Variants in ASXL2 observed in about 807,000 individuals in gnomAD.
ASXL2 encodes ASXL transcriptional regulator 2.
A neutral mutation model predicts 122.0 loss-of-function variants in ASXL2; 23 were observed. The observed-to-expected ratio is 0.19, with a 90% CI of 0.14 to 0.27. The LOEUF (loss-of-function observed/expected upper bound fraction) is 0.27, where lower values mean the gene tolerates loss of function less well. Ranked by LOEUF, ASXL2 falls within the 10% of genes least tolerant of loss-of-function variation. ASXL2 has a pLI of 1.00. For synonymous variants in ASXL2, 650 were observed against 637.0 expected (o/e 1.02, Z -0.31); for missense variants, 1,518 against 1,713.8 (o/e 0.89, Z 2.02).
intron 3 of ASXL2, chr2:25,810,539 G>A (rs748239974): frequency 6.9e-6 from 5 of 729,084 alleles, no homozygotes; most frequent in South Asian, 2.9e-5. Context: ...TCCCAGGCGC[G>A]CCTTTCTCCT....
chr2:25,749,661 G>T, intron 12 of ASXL2, 35 bp downstream of exon 12: 1 of 1,462,112 alleles, frequency 6.8e-7, no homozygotes, highest in East Asian at 2.4e-5. Context: ...GGGTTCAGAC[G>T]ATCTCTGCTT....
chr2:25,767,433 T>C (rs1574405443), intron 8 of ASXL2, 150 bp downstream of exon 8: 1 of 745,824 alleles, frequency 1.3e-6, no homozygotes, highest in Non-Finnish European at 2.1e-6. Context: ...TAACAGTAAT[T>C]ATGTTAGCAA....
At chr2:25,786,584 T>C (rs1314052745) in intron 5 of ASXL2, among the ~76,000 whole-genome samples, 4 of 152,116 alleles carry the variant, frequency 2.6e-5, no homozygotes, top group Non-Finnish European at 5.9e-5. Flanking sequence ...TGGGTATTGG[T>C]GGCTCACGCC....
rs143762890 is a variant in ASXL2, at chr2:25,754,701, A to G, written c.1037-1062T>C. Among the ~76,000 whole-genome samples the G allele has an allele frequency of 1.0e-3, 155 of 152,298 alleles. 1 individual carries two copies. In the Middle Eastern group the frequency reaches 0.01, roughly 10 times the overall value. On this transcript the variant is annotated intron_variant, in intron 10 of 12. Coordinates refer to ENST00000435504, the MANE Select transcript of ASXL2 (RefSeq NM_018263.6). ...TGTTAAAAAAAAAAGTAACACTGAT[A>G]ATAATAATCGCAGTATCATTGCTGA...
chr2:25,857,509 T>C (rs375167310), intron 1 of ASXL2, among the ~76,000 whole-genome samples: 1 of 152,316 alleles, frequency 6.6e-6, no homozygotes, highest in East Asian at 1.9e-4. Flanking sequence ...ATCATGGAGC[T>C]ACACTGGCTA....
At chr2:25,812,154 T>C (rs1374812345) in intron 3 of ASXL2, among the ~76,000 whole-genome samples, 2 of 140,550 alleles carry the variant, frequency 1.4e-5, no homozygotes, top group African/African-American at 5.4e-5. Context: ...TGTGAGTCTA[T>C]AATTATTTCA....
intron 1 of ASXL2, among the ~76,000 whole-genome samples, chr2:25,860,367 G>T (rs2089829044): frequency 6.6e-6 from 1 of 151,836 alleles, no homozygotes. Context: ...AAGCTTGTGG[G>T]ATATAGCAAA....
intron 1 of ASXL2, among the ~76,000 whole-genome samples, chr2:25,871,802 T>C (rs2149204326): frequency 6.6e-6 from 1 of 152,286 alleles, no homozygotes; most frequent in African/African-American, 2.4e-5. Context: ...CTTTAAATAA[T>C]ATGGCAAGAA....
chr2:25,825,548 T>C (rs2089365940), intron 3 of ASXL2, among the ~76,000 whole-genome samples: 1 of 152,224 alleles, frequency 6.6e-6, no homozygotes, highest in Non-Finnish European at 1.5e-5. Flanking sequence ...GTATTTTTTA[T>C]TTTTTGTCTG....
At chr2:25,797,986 A>T (rs932948389) in intron 5 of ASXL2, among the ~76,000 whole-genome samples, 1 of 152,276 alleles carries the variant, frequency 6.6e-6, no homozygotes, top group African/African-American at 2.4e-5. Context: ...AGCAACCAAG[A>T]TGTCCTTCAG....
intron 1 of ASXL2, among the ~76,000 whole-genome samples, chr2:25,849,972 G>A (rs2149195475): frequency 6.6e-6 from 1 of 152,022 alleles, no homozygotes; most frequent in South Asian, 2.1e-4. Context: ...TTTTATTATG[G>A]AAATCTAAAA....
intron 3 of ASXL2, among the ~76,000 whole-genome samples, chr2:25,809,214 C>G (rs544890731): frequency 6.6e-6 from 1 of 151,926 alleles, no homozygotes; most frequent in South Asian, 2.1e-4. Flanking sequence ...ATGATCCATT[C>G]TGCAGGCAGT....
chr2:25,743,943 T>C lies in ASXL2; in HGVS notation c.2394A>G (p.Ile798Met), dbSNP rs758955878. Residue 798 changes from isoleucine to methionine, a missense_variant, in exon 13 of 13, where the codon ATA becomes ATG. Coordinates refer to ENST00000435504, the MANE Select transcript of ASXL2 (RefSeq NM_018263.6). ...TCAGTTTTTCATTATCCAATTTCTC[T>C]ATGTGGGCTGGTGATGGGACACTTG... is the stretch of plus-strand genomic sequence containing the variant. ...ACTSVPSPAH[I>M]EKLDNEKLNP... The C allele has an allele frequency of 2.5e-6, 4 of 1,613,984 alleles. No individual in the cohort carries two copies. In the Admixed American group the frequency reaches 6.7e-5, roughly 27 times the overall value.
intron 1 of ASXL2, among the ~76,000 whole-genome samples, chr2:25,857,127 A>G (rs2089790317): frequency 6.7e-6 from 1 of 149,940 alleles, no homozygotes; most frequent in Non-Finnish European, 1.5e-5. Context: ...TCAATAAAGC[A>G]ATTCAAAAAA....
intron 8 of ASXL2, among the ~76,000 whole-genome samples, chr2:25,761,341 A>G (rs11888512): frequency 0.28 from 42,367 of 151,994 alleles, 6,225 homozygotes; most frequent in African/African-American, 0.33. Flanking sequence ...AAAGAGAATA[A>G]CTTGAAAGCA....
chr2:25,773,691 C>T (rs1168882706), intron 5 of ASXL2, among the ~76,000 whole-genome samples: 2 of 149,762 alleles, frequency 1.3e-5, no homozygotes, highest in African/African-American at 4.9e-5. Context: ...AAAATCATAG[C>T]CTCAGTATAC....
rs751309437 is a variant in ASXL2 at position 25,742,167 on chromosome 2, C to G, written c.4170G>C (p.Glu1390Asp). The G allele has an allele frequency of 9.9e-6, 16 of 1,614,060 alleles. No homozygotes were observed. Among genetic ancestry groups the G allele is most frequent in the Non-Finnish European group, 1.4e-5 (16 of 1,179,914 alleles). ...TCGAAGGCGTGCCCTCTATGCTGTT[C>G]TCTTCGGAGAACGCCTGAACAGGAA... Reference protein sequence around the residue: ...QTIPVQAFSEENSIEGTPSKC... With the variant: ...QTIPVQAFSEDNSIEGTPSKC... Residue 1390 changes from glutamate (E) to aspartate (D), a missense_variant, in exon 13 of 13, where the codon GAG becomes GAC. Glu to Asp is a conservative substitution (Grantham distance 45). Transcript: ENST00000435504.
intron 2 of ASXL2, 164 bp downstream of exon 2, chr2:25,845,317 A>G: frequency 8.2e-7 from 1 of 1,213,946 alleles, no homozygotes; most frequent in East Asian, 3.0e-5. Flanking sequence ...TTCTGGTTTT[A>G]AAACTATGTA....
At chr2:25,768,939 T>C (rs975019397) in intron 6 of ASXL2, 71 bp from the exon 7 acceptor site, 1 of 1,495,800 alleles carries the variant, frequency 6.7e-7, no homozygotes, top group Non-Finnish European at 9.0e-7. Context: ...ATTACTTCTT[T>C]TTTAAATGGC....
Sources: gnomAD v4.1 joint callset for allele counts (sites outside exome capture counted in the v4.1 genomes callset) on GRCh38, gnomAD v4.1.1 for gene constraint, MANE v1.5 for transcripts, NCBI Gene and HGNC (gene_info 2026-07-23, HGNC 2026-07-21) for gene names.